The following MOSMO variants were observed in gnomAD, a reference collection of about 807,000 sequenced individuals.
MOSMO encodes modulator of smoothened protein.
MOSMO carries 5 observed loss-of-function variants against 18.4 expected under a neutral mutation model. The observed-to-expected ratio is 0.27, with a 90% CI of 0.14 to 0.57. The LOEUF (loss-of-function observed/expected upper bound fraction) is 0.57, where lower values mean the gene tolerates loss of function less well. Ranked by LOEUF, MOSMO falls within the 20% of genes least tolerant of loss-of-function variation. The pLI is 0.92. For synonymous variants in MOSMO, 82 were observed against 82.3 expected, an observed-to-expected ratio of 1.00 and a Z score of 0.02; for missense variants, 138 against 211.8, an observed-to-expected ratio of 0.65 and a Z score of 2.16.
intron 1 of MOSMO, among the ~76,000 whole-genome samples, chr16:22,048,412 C>T (rs1567508176): frequency 1.3e-5 from 2 of 152,304 alleles, no homozygotes; most frequent in Admixed American, 6.5e-5. Context: ...TTTCTTCCAA[C>T]CCTCTCAACA....
At chr16:22,013,754 T>C (rs1567497967) in intron 1 of MOSMO, among the ~76,000 whole-genome samples, 1 of 152,082 alleles carries the variant, frequency 6.6e-6, no homozygotes, top group East Asian at 1.9e-4. Context: ...TCGTCAAAAT[T>C]TCCCTAAAGT....
intron 1 of MOSMO, among the ~76,000 whole-genome samples, chr16:22,057,297 A>G (rs1252231256): frequency 1.3e-5 from 2 of 152,228 alleles, no homozygotes; most frequent in Non-Finnish European, 2.9e-5. Context: ...TCTGCTTTCA[A>G]GATGGGTCCT....
At chr16:22,052,809 T>A (rs1458004896) in intron 1 of MOSMO, among the ~76,000 whole-genome samples, 2 of 152,064 alleles carry the variant, frequency 1.3e-5, no homozygotes, top group East Asian at 3.8e-4. Context: ...AACATGTTGT[T>A]TAGGGGGAAA....
In MOSMO at chr16:22,083,584, A is replaced by G; in HGVS notation, c.*2704A>G. ...GTACTATATAGTACAGTATTAATTT[A>G]TAGCAGGAAATCGTATCTTGTAAAC... is the stretch of plus-strand genomic sequence containing the variant. On this transcript the variant is annotated 3_prime_UTR_variant, in exon 3 of 3. Coordinates refer to ENST00000542527, the MANE Select transcript of MOSMO (RefSeq NM_001164579.2). 1 of 439,184 alleles carries G rather than the reference A, an allele frequency of 2.3e-6. No homozygotes were observed. The highest frequency in any genetic ancestry group is 2.8e-5 in the Admixed American group (1 of 36,046). 27.2% of individuals were successfully genotyped at this position (439,184 alleles called of 1,614,324 possible).
chr16:22,045,402 T>C (rs1382190854), intron 1 of MOSMO, among the ~76,000 whole-genome samples: 1 of 152,158 alleles, frequency 6.6e-6, no homozygotes, highest in Non-Finnish European at 1.5e-5. Context: ...ATAGTCTTTA[T>C]AAATAAAATG....
Position 22,039,689 on chromosome 16 carries a change from C to T in MOSMO, c.106+31282C>T, listed in dbSNP as rs369837506. On this transcript the variant is annotated intron_variant, in intron 1 of 2. Transcript: ENST00000542527. ...TCTTACAAAAAAAGAATTCATGAGC[C>T]AGGAGATAACATAAAAGTGGTATTT... Among the ~76,000 whole-genome samples the T allele has an allele frequency of 1.2e-4, 19 of 152,220 alleles. No homozygotes were observed. The South Asian group carries it at 1.9e-3, about 15-fold the overall frequency.
rs766482917 is a variant in MOSMO at position 22,083,401 on chromosome 16, G to T, written c.*2521G>T. ...CTAGCCAGTCAGCACTCTAACCCAG[G>T]ATTAAACCATCCCATCAAGTAGTAT... On this transcript the variant is annotated 3_prime_UTR_variant, in exon 3 of 3. Coordinates refer to ENST00000542527, the MANE Select transcript of MOSMO (RefSeq NM_001164579.2). 2.9e-5 allele frequency: 7 copies of T among 240,934 alleles called. No homozygotes were observed. Among genetic ancestry groups the T allele is most frequent in the African/African-American group, 4.8e-5 (2 of 42,100 alleles). 14.9% of individuals were successfully genotyped at this position (240,934 alleles called of 1,614,324 possible). A position where few individuals can be genotyped will look rare whatever the true frequency, so the allele number is the denominator to read the frequency against.
intron 1 of MOSMO, among the ~76,000 whole-genome samples, chr16:22,025,242 A>T (rs1899853085): frequency 6.6e-6 from 1 of 152,130 alleles, no homozygotes; most frequent in African/African-American, 2.4e-5. Context: ...TATATAAAAC[A>T]CTTACAGTGC....
chr16:22,031,948 G>T (rs1407064910), intron 1 of MOSMO, among the ~76,000 whole-genome samples: 2 of 152,102 alleles, frequency 1.3e-5, no homozygotes, highest in Admixed American at 1.3e-4. Flanking sequence ...TTCCAAAGTG[G>T]TTGTACCATT....
At chr16:22,036,436 A>G (rs1900110911) in intron 1 of MOSMO, among the ~76,000 whole-genome samples, 1 of 151,586 alleles carries the variant, frequency 6.6e-6, no homozygotes, top group Non-Finnish European at 1.5e-5. Flanking sequence ...TAAAATTTTT[A>G]TTTGTTTTTT....
chr16:22,075,374 G>C, intron 1 of MOSMO, 113 bp from the exon 2 acceptor site: 1 of 815,462 alleles, frequency 1.2e-6, no homozygotes, highest in Middle Eastern at 2.2e-4. Flanking sequence ...GGATGTGCTT[G>C]AATGACCCAC....
intron 2 of MOSMO, chr16:22,076,243 A>G (rs1900965235): frequency 6.6e-6 from 1 of 152,670 alleles, no homozygotes; most frequent in Non-Finnish European, 1.5e-5. Flanking sequence ...ATTCTCTTGT[A>G]CTTTGCAAAA....
At chr16:22,075,843 C>T (rs1040137262) in intron 2 of MOSMO, 144 bp downstream of exon 2, 46 of 604,136 alleles carry the variant, frequency 7.6e-5, no homozygotes, top group African/African-American at 7.0e-4. Flanking sequence ...AGACTCTACA[C>T]AGTCCCATCA....
chr16:22,069,126 A>T (rs975819592), intron 1 of MOSMO, among the ~76,000 whole-genome samples: 7 of 152,180 alleles, frequency 4.6e-5, no homozygotes, highest in Non-Finnish European at 4.4e-5. Context: ...CACTCAACTC[A>T]GGATGGGAGT....
chr16:22,060,952 C>T (rs976746890), intron 1 of MOSMO, among the ~76,000 whole-genome samples: 1 of 152,032 alleles, frequency 6.6e-6, no homozygotes, highest in Admixed American at 6.5e-5. Flanking sequence ...TAAACATACA[C>T]TTACCATATG....
chr16:22,011,645 G>A (rs1286267113), intron 1 of MOSMO, among the ~76,000 whole-genome samples: 1 of 152,088 alleles, frequency 6.6e-6, no homozygotes, highest in Non-Finnish European at 1.5e-5. Flanking sequence ...GACAATGTGT[G>A]GCTGATGTGG....
At chr16:22,044,516 T>C (rs1900270494) in intron 1 of MOSMO, among the ~76,000 whole-genome samples, 1 of 152,158 alleles carries the variant, frequency 6.6e-6, no homozygotes, top group Non-Finnish European at 1.5e-5. Context: ...AAGGAAATGC[T>C]CACTGAAGCA....
intron 1 of MOSMO, among the ~76,000 whole-genome samples, chr16:22,041,211 G>A (rs1212647312): frequency 6.6e-6 from 1 of 152,194 alleles, no homozygotes; most frequent in African/African-American, 2.4e-5. Context: ...TTCACCCACA[G>A]AGGTAATGAG....
At chr16:22,049,143 T>G (rs911855951) in intron 1 of MOSMO, among the ~76,000 whole-genome samples, 3 of 152,196 alleles carry the variant, frequency 2.0e-5, no homozygotes, top group Non-Finnish European at 4.4e-5. Context: ...CTGTGTTTCT[T>G]GCTGTTGTTT....
Sources: gnomAD v4.1 joint callset for allele counts (sites outside exome capture counted in the v4.1 genomes callset) on GRCh38, gnomAD v4.1.1 for gene constraint, MANE v1.5 for transcripts, NCBI Gene and HGNC (gene_info 2026-07-23, HGNC 2026-07-21) for gene names.